The following RASGRP3 variants were observed in gnomAD, a reference collection of about 807,000 sequenced individuals.
RASGRP3 encodes the protein RAS guanyl releasing protein 3, also known as ras guanyl-releasing protein 3.
RASGRP3 carries 54 observed loss-of-function variants against 82.7 expected under a neutral mutation model. The ratio of observed to expected loss-of-function variants is 0.65; its 90% CI spans 0.52 to 0.82. The LOEUF is 0.82. Among genes scored for constraint, RASGRP3 ranks in the 40% least tolerant of loss-of-function variants. RASGRP3 has a pLI of 0.00. For synonymous variants in RASGRP3, 309 were observed against 300.5 expected, an observed-to-expected ratio of 1.03 and a Z score of -0.29; for missense variants, 861 against 828.9, an observed-to-expected ratio of 1.04 and a Z score of -0.48.
At chr2:33,496,121 A>C (rs1320109433) in intron 1 of RASGRP3, among the ~76,000 whole-genome samples, 1 of 152,254 alleles carries the variant, frequency 6.6e-6, no homozygotes, top group Non-Finnish European at 1.5e-5. Context: ...ATCTGTTTAT[A>C]ACCTGTAGTT....
intron 1 of RASGRP3, among the ~76,000 whole-genome samples, chr2:33,495,949 C>T (rs1329031415): frequency 6.6e-6 from 1 of 151,980 alleles, no homozygotes; most frequent in Non-Finnish European, 1.5e-5. Context: ...GGGATGCAGC[C>T]CTAAAATGAG....
intron 2 of RASGRP3, among the ~76,000 whole-genome samples, chr2:33,512,502 A>G (rs1262925916): frequency 6.6e-6 from 1 of 152,236 alleles, no homozygotes; most frequent in Non-Finnish European, 1.5e-5. Context: ...GGAATCAGAG[A>G]AGTTCTGCCC....
chr2:33,563,823 T>TA lies in RASGRP3; in HGVS notation c.*1090dup, dbSNP rs1294838259. The TA allele has an allele frequency of 6.6e-6, 1 of 152,218 alleles. No homozygotes were observed. Among genetic ancestry groups the TA allele is most frequent in the African/African-American group, 2.4e-5 (1 of 41,460 alleles). The allele number at this position is 152,218 out of a possible 1,614,324, so 9.4% of individuals were successfully genotyped here. ...TTGATTAACATTTCATTTAAGCTTTTAAAATATCAATTTTTTAAATAGCTC... is the reference window on the plus strand; with the variant it reads ...TTGATTAACATTTCATTTAAGCTTTTAAAAATATCAATTTTTTAAATAGCTC... On this transcript the variant is annotated 3_prime_UTR_variant, in exon 18 of 18. Coordinates refer to ENST00000403687, the MANE Select transcript of RASGRP3 (RefSeq NM_001139488.2).
At chr2:33,501,469 C>T (rs1306429144) in intron 1 of RASGRP3, among the ~76,000 whole-genome samples, 2 of 152,160 alleles carry the variant, frequency 1.3e-5, no homozygotes. Context: ...TGAGGAGCTA[C>T]CTAACTCATT....
At chr2:33,497,769 C>T (rs1320563566) in intron 1 of RASGRP3, among the ~76,000 whole-genome samples, 1 of 152,090 alleles carries the variant, frequency 6.6e-6, no homozygotes, top group Admixed American at 6.5e-5. Context: ...GTAAATTGAT[C>T]AATAAAGATA....
At chr2:33,438,292 G>C (rs1665032380) in intron 1 of RASGRP3, among the ~76,000 whole-genome samples, 1 of 152,236 alleles carries the variant, frequency 6.6e-6, no homozygotes, top group Non-Finnish European at 1.5e-5. Flanking sequence ...GCCAGGCGTG[G>C]TGGCTCACGC....
In RASGRP3 at chr2:33,455,026, A is replaced by G. The variant is rs557325849; in HGVS notation, c.-261+7083A>G. ...TCATCTGGGCCAAGGTAGGGGGGGC[A>G]TAAGGGGTGGTTGAATGTGGTGATG... is the stretch of plus-strand genomic sequence containing the variant. On this transcript the variant is annotated intron_variant, in intron 2 of 18. Coordinates refer to the RASGRP3 transcript ENST00000402538. Among the ~76,000 whole-genome samples, 4 of 152,272 alleles carry G rather than the reference A, an allele frequency of 2.6e-5. No homozygotes were observed. The East Asian group carries it at 7.7e-4, about 29-fold the overall frequency.
chr2:33,490,721 G>A (rs537797576), intron 1 of RASGRP3, among the ~76,000 whole-genome samples: 1 of 152,252 alleles, frequency 6.6e-6, no homozygotes, highest in East Asian at 1.9e-4. Flanking sequence ...TTGCCATGGC[G>A]CTAAATGCTG....
chr2:33,470,736 A>G (rs1364584796), intron 2 of RASGRP3, among the ~76,000 whole-genome samples: 1 of 152,090 alleles, frequency 6.6e-6, no homozygotes, highest in African/African-American at 2.4e-5. Context: ...AAAATTTCAT[A>G]TATTTCTGTA....
At chr2:33,504,824 A>T (rs1670208524) in intron 1 of RASGRP3, among the ~76,000 whole-genome samples, 1 of 152,156 alleles carries the variant, frequency 6.6e-6, no homozygotes, top group Non-Finnish European at 1.5e-5. Context: ...GAAGACCCCT[A>T]AGAATTTTAC....
chr2:33,470,755 C>G (rs1329320312), intron 2 of RASGRP3, among the ~76,000 whole-genome samples: 6 of 152,034 alleles, frequency 3.9e-5, no homozygotes, highest in Admixed American at 2.6e-4. Context: ...TATAATTGTT[C>G]CGTGGCCAGA....
chr2:33,524,673 T>C (rs1340175697), intron 9 of RASGRP3, 125 bp downstream of exon 9: 1 of 681,356 alleles, frequency 1.5e-6, no homozygotes, highest in East Asian at 2.9e-5. Context: ...TGGTAGGTTA[T>C]AAATGGGGAC....
intron 2 of RASGRP3, among the ~76,000 whole-genome samples, chr2:33,470,570 A>C (rs372573401): frequency 6.6e-5 from 10 of 151,872 alleles, no homozygotes; most frequent in African/African-American, 2.4e-4. Context: ...TAGTAGAGAC[A>C]GGGTTTCACC....
intron 2 of RASGRP3, among the ~76,000 whole-genome samples, chr2:33,465,852 A>G (rs569170759): frequency 2.0e-5 from 3 of 152,254 alleles, no homozygotes; most frequent in Admixed American, 6.5e-5. Flanking sequence ...CTTAAGAATC[A>G]TGCTAAATCT....
chr2:33,516,955 C>CA (rs1671522999), intron 4 of RASGRP3, among the ~76,000 whole-genome samples: 1 of 152,172 alleles, frequency 6.6e-6, no homozygotes, highest in African/African-American at 2.4e-5. Context: ...GAATATTTAA[C>CA]AATGATTCAA....
chr2:33,544,412 G>T lies in RASGRP3; in HGVS notation c.1394+785G>T, dbSNP rs1031774150. On this transcript the variant is annotated intron_variant, in intron 13 of 17. Transcript: ENST00000403687. ...TTGTTTTCTCTTTGATTGATCAAAG[G>T]TTGTCTTGATAAAGAAAAAATATAT... 2.0e-5 allele frequency among the ~76,000 whole-genome samples: 3 copies of T among 151,964 alleles called. No homozygotes were observed. In the East Asian group the frequency reaches 5.8e-4, roughly 29 times the overall value.
In RASGRP3 at chr2:33,556,890, T is replaced by TACACACACACACACACAC. The variant is rs58614411; in HGVS notation, c.1580-1300_1580-1283dup. The stretch of plus-strand genomic sequence containing the variant: ...TGGTTTCTATCCTCATACCCTAAAA[T>TACACACACACACACACAC]ACACACACACACACACACACACACA... On this transcript the variant is annotated intron_variant, in intron 15 of 17. Coordinates refer to ENST00000403687, the MANE Select transcript of RASGRP3 (RefSeq NM_001139488.2). 3.4e-4 allele frequency among the ~76,000 whole-genome samples: 44 copies of TACACACACACACACACAC among 130,866 alleles called. 2 individuals are homozygous for TACACACACACACACACAC. The highest frequency in any genetic ancestry group is 5.6e-4 in the Non-Finnish European group (36 of 63,744). The allele number at this position is 130,866 out of a possible 152,430, so 85.9% of individuals were successfully genotyped here.
At chr2:33,475,371 G>C (rs546169942), upstream of RASGRP3, among the ~76,000 whole-genome samples, 3 of 152,150 alleles carry the variant, frequency 2.0e-5, no homozygotes, top group African/African-American at 7.2e-5. Flanking sequence ...GGAAATTTCT[G>C]GTTTGATTAA....
chr2:33,491,029 A>G (rs1445516326), intron 1 of RASGRP3, among the ~76,000 whole-genome samples: 1 of 152,226 alleles, frequency 6.6e-6, no homozygotes, highest in African/African-American at 2.4e-5. Flanking sequence ...AAAAGATAAC[A>G]TTTAGAGCAG....
Sources: gnomAD v4.1 joint callset for allele counts (sites outside exome capture counted in the v4.1 genomes callset) on GRCh38, gnomAD v4.1.1 for gene constraint, MANE v1.5 for transcripts, NCBI Gene and HGNC (gene_info 2026-07-23, HGNC 2026-07-21) for gene names.